The following PURG variants were observed in gnomAD, a reference collection of about 807,000 sequenced individuals.
The protein encoded by PURG is purine rich element binding protein G.
PURG carries 3 observed loss-of-function variants against 24.3 expected under a neutral mutation model. The observed-to-expected ratio is 0.12, with a 90% CI of 0.06 to 0.32. The LOEUF is 0.32. Among genes scored for constraint, PURG ranks in the 10% least tolerant of loss-of-function variants. The pLI, the probability that PURG is intolerant of heterozygous loss-of-function variation, is 1.00. For missense variants in PURG, 371 were observed against 439.1 expected (o/e 0.84, Z 1.39); for synonymous variants, 180 against 173.1 (o/e 1.04, Z -0.31).
chr8:31,005,820 G>C (rs557165169), intron 1 of PURG, among the ~76,000 whole-genome samples: 2 of 140,602 alleles, frequency 1.4e-5, no homozygotes, highest in African/African-American at 5.4e-5. Context: ...TCACCACATA[G>C]AGAACAACAC....
chr8:31,010,842 T>C (rs1276916407), intron 1 of PURG, among the ~76,000 whole-genome samples: 1 of 152,182 alleles, frequency 6.6e-6, no homozygotes, highest in African/African-American at 2.4e-5. Context: ...ATTATTATAA[T>C]TTAAAATTAC....
chr8:31,026,659 T>TATAC (rs35682140), downstream of PURG, among the ~76,000 whole-genome samples: 45,011 of 143,274 alleles, frequency 0.31, 8,664 homozygotes, highest in East Asian at 0.48. Flanking sequence ...TATATATATA[T>TATAC]ATACATACAC....
In PURG at chr8:31,032,277, C is replaced by T; in HGVS notation, c.506G>A (p.Ser169Asn). The T allele has an allele frequency of 1.2e-6, 2 of 1,613,830 alleles. No homozygotes were observed. Among genetic ancestry groups the T allele is most frequent in the Non-Finnish European group, 1.7e-6 (2 of 1,180,020 alleles). The stretch of plus-strand genomic sequence containing the variant: ...CTCGATATAGTCTGTTTTCAGGACA[C>T]TGTGAGGATGCTCTTCGGACCCCAC... ...VSVGSEEHPHSVLKTDYIERD... is the reference protein window; with the variant it reads ...VSVGSEEHPHNVLKTDYIERD... Residue 169 changes from serine to asparagine, a missense_variant, in exon 2 of 2, where the codon AGT becomes AAT. Physicochemically the swap from Ser to Asn is conservative, Grantham distance 46. Coordinates refer to ENST00000523392, the MANE Select transcript of PURG (RefSeq NM_001323311.2). This position sits in a 1 kb window ranked among gnomAD's most constrained non-coding sequence, Gnocchi z 5.9.
intron 1 of PURG, among the ~76,000 whole-genome samples, chr8:31,008,163 T>C (rs1257970353): frequency 1.3e-5 from 2 of 152,234 alleles, no homozygotes; most frequent in Non-Finnish European, 2.9e-5. Flanking sequence ...CTTTGAACTT[T>C]GCATAATGTT....
Position 31,031,511 on chromosome 8 carries a change from T to C in PURG, c.*228A>G, listed in dbSNP as rs1485767278. The C allele has an allele frequency of 1.8e-6, 1 of 547,976 alleles. No individual in the cohort carries two copies. Among genetic ancestry groups the C allele is most frequent in the Admixed American group, 3.3e-5 (1 of 30,720 alleles). The allele number at this position is 547,976 out of a possible 1,614,324, so 33.9% of individuals were successfully genotyped here. A position where few individuals can be genotyped will look rare whatever the true frequency, so the allele number is the denominator to read the frequency against. ...GCATACTTCAATAGTCTGGAGCAGT[T>C]GAAGCAGCTAAACTATTTAGCTCTG... On this transcript the variant is annotated 3_prime_UTR_variant, in exon 2 of 2. Coordinates refer to ENST00000523392, the MANE Select transcript of PURG (RefSeq NM_001323311.2).
At chr8:31,022,735 T>C (rs1811020743) in intron 1 of PURG, among the ~76,000 whole-genome samples, 1 of 152,216 alleles carries the variant, frequency 6.6e-6, no homozygotes, top group Non-Finnish European at 1.5e-5. Context: ...TTTTGGAACA[T>C]TTACTAAGCA....
At chr8:31,013,667 G>A (rs1356923495) in intron 1 of PURG, among the ~76,000 whole-genome samples, 4 of 152,178 alleles carry the variant, frequency 2.6e-5, no homozygotes, top group Non-Finnish European at 4.4e-5. Flanking sequence ...AACCCAGGAG[G>A]CGGAGGTTGC....
At chr8:31,008,271 G>A (rs1241622170) in intron 1 of PURG, among the ~76,000 whole-genome samples, 3 of 152,120 alleles carry the variant, frequency 2.0e-5, no homozygotes, top group East Asian at 1.9e-4. Context: ...GTGACATTTC[G>A]TTAACAGCCT....
At chr8:30,999,068 G>T (rs1810485861) in intron 1 of PURG, among the ~76,000 whole-genome samples, 1 of 151,698 alleles carries the variant, frequency 6.6e-6, no homozygotes, top group Admixed American at 6.6e-5. Context: ...GGGTATATAT[G>T]TATATATAAA....
intron 1 of PURG, among the ~76,000 whole-genome samples, chr8:30,997,359 G>T (rs1469155730): frequency 6.6e-6 from 1 of 151,818 alleles, no homozygotes; most frequent in East Asian, 1.9e-4. Flanking sequence ...CTACATTGAA[G>T]ATTGTTCATG....
rs1811216126 is a variant in PURG at position 31,031,924 on chromosome 8, G to A, written c.859C>T (p.Leu287=). The change falls in exon 2 of 2, where the codon CTG becomes TTG. Residue 287 remains leucine, a synonymous_variant. Transcript: ENST00000523392. ...GGTGGTCTCACCTCACTTACCTTCA[G>A]GAAAATTCCATATTTATTAGAGCCC... ...DVGSNKYGIF[L]KVSEVRPPYR... 1.2e-6 allele frequency: 2 copies of A among 1,614,040 alleles called. No individual in the cohort carries two copies. The highest frequency in any genetic ancestry group is 1.1e-5 in the South Asian group (1 of 91,074).
intron 1 of PURG, among the ~76,000 whole-genome samples, chr8:31,001,114 T>C (rs16877633): frequency 0.012 from 1,882 of 152,322 alleles, 44 homozygotes; most frequent in African/African-American, 0.043. Context: ...GTATGTGTGA[T>C]ATTCCAACTA....
intron 1 of PURG, among the ~76,000 whole-genome samples, chr8:31,024,778 T>C (rs1403011515): frequency 1.3e-5 from 2 of 152,088 alleles, no homozygotes; most frequent in African/African-American, 4.8e-5. Context: ...TAATCAGATT[T>C]ATACCATTAT....
At chr8:31,019,703 T>C (rs71506516) in intron 1 of PURG, among the ~76,000 whole-genome samples, 7,992 of 151,102 alleles carry the variant, frequency 0.053, 318 homozygotes, top group Non-Finnish European at 0.082. Context: ...GGCTAATTTT[T>C]TGTATTTTTA....
chr8:31,021,690 C>T (rs1336373513), intron 1 of PURG, among the ~76,000 whole-genome samples: 1 of 152,074 alleles, frequency 6.6e-6, no homozygotes, highest in Non-Finnish European at 1.5e-5. Flanking sequence ...CGGGCACAAT[C>T]GTTGGCTTTG....
intron 1 of PURG, among the ~76,000 whole-genome samples, chr8:31,021,708 T>C (rs1810992911): frequency 6.6e-6 from 1 of 152,160 alleles, no homozygotes; most frequent in Non-Finnish European, 1.5e-5. Context: ...TTGGTGTAAA[T>C]TTGGGTTCAA....
intron 1 of PURG, among the ~76,000 whole-genome samples, chr8:31,016,916 C>T (rs1810883924): frequency 6.6e-6 from 1 of 152,064 alleles, no homozygotes; most frequent in Non-Finnish European, 1.5e-5. Context: ...ATCATCATGG[C>T]CATCATTCTA....
chr8:31,032,743 C>A lies in PURG; in HGVS notation c.40G>T (p.Gly14Cys). 1 of 1,427,866 alleles carries A rather than the reference C, an allele frequency of 7.0e-7. No homozygotes were observed. Among genetic ancestry groups the A allele is most frequent in the Non-Finnish European group, 9.2e-7 (1 of 1,086,574 alleles). 88.4% of individuals were successfully genotyped at this position (1,427,866 alleles called of 1,614,324 possible). Residue 14 changes from glycine to cysteine, a missense_variant, in exon 2 of 2, where the codon GGC becomes TGC. Transcript: ENST00000523392. The surrounding 1 kb of genome is among the most constrained non-coding windows in gnomAD (Gnocchi z 5.9). ...CCCCCTACATTCTTGCCTCCGCGGCCGCGGCCGCCGCCGCCTCCCCTTCGC... is the reference window on the plus strand; with the variant it reads ...CCCCCTACATTCTTGCCTCCGCGGCAGCGGCCGCCGCCGCCTCCCCTTCGC... ...ARRRGGGGGR[G>C]RGGKNVGGSG...
chr8:30,999,900 C>T (rs551599812), intron 1 of PURG, among the ~76,000 whole-genome samples: 15 of 151,940 alleles, frequency 9.9e-5, no homozygotes, highest in African/African-American at 2.9e-4. Context: ...CTGAAAACAT[C>T]GTGACGGTTT....
Sources: allele counts gnomAD v4.1 joint callset (sites outside exome capture counted in the v4.1 genomes callset), GRCh38; gene constraint gnomAD v4.1.1; non-coding constraint Gnocchi (gnomAD v3.1); transcripts MANE v1.5; gene names NCBI Gene and HGNC (gene_info 2026-07-23, HGNC 2026-07-21).